ARNT2: variants seen among roughly 807,000 people sequenced by gnomAD.
ARNT2 encodes the protein aryl hydrocarbon receptor nuclear translocator 2, also known as ARNT protein 2.
A neutral mutation model predicts 91.7 loss-of-function variants in ARNT2; 36 were observed. The observed-to-expected ratio is 0.39, with a 90% CI of 0.30 to 0.52. The LOEUF is 0.52. Ranked by LOEUF, ARNT2 falls within the 20% of genes least tolerant of loss-of-function variation. The pLI, the probability that ARNT2 is intolerant of heterozygous loss-of-function variation, is 0.72. For synonymous variants in ARNT2, 365 were observed against 347.1 expected (o/e 1.05, Z -0.57); for missense variants, 775 against 939.3 (o/e 0.83, Z 2.29).
chr15:80,593,176 A>C (rs1277405491), intron 18 of ARNT2, among the ~76,000 whole-genome samples: 1 of 152,216 alleles, frequency 6.6e-6, no homozygotes, highest in Non-Finnish European at 1.5e-5. Context: ...TAAGATAAAC[A>C]TGGAAGACAG....
At chr15:80,517,098 C>A (rs1897448746) in intron 8 of ARNT2, among the ~76,000 whole-genome samples, 1 of 151,664 alleles carries the variant, frequency 6.6e-6, no homozygotes, top group African/African-American at 2.4e-5. Context: ...GCTCTTCTTC[C>A]AAGGAACTTA....
intron 12 of ARNT2, among the ~76,000 whole-genome samples, chr15:80,569,727 C>A (rs189149809): frequency 2.0e-5 from 3 of 152,376 alleles, no homozygotes; most frequent in African/African-American, 7.2e-5. Context: ...AACCCCCGGC[C>A]TAATACCAAG....
chr15:80,586,160 G>C (rs1898893503), intron 17 of ARNT2, among the ~76,000 whole-genome samples: 2 of 152,126 alleles, frequency 1.3e-5, no homozygotes, highest in African/African-American at 4.8e-5. Flanking sequence ...TGCACAGGTT[G>C]CTTAAAGAGA....
chr15:80,447,456 A>C (rs1391369913), intron 1 of ARNT2, among the ~76,000 whole-genome samples: 2 of 152,236 alleles, frequency 1.3e-5, no homozygotes, highest in African/African-American at 2.4e-5. Context: ...ACCCTGGAGC[A>C]CATCATCAAC....
At chr15:80,496,911 C>T (rs1253287435) in intron 5 of ARNT2, among the ~76,000 whole-genome samples, 1 of 152,158 alleles carries the variant, frequency 6.6e-6, no homozygotes, top group African/African-American at 2.4e-5. Context: ...GCTTAGCCTC[C>T]ACAGTGGGTG....
rs199609509 is a variant in ARNT2, at chr15:80,450,902, A to T, written c.54A>T (p.Gly18=). Residue 18 remains glycine, a synonymous_variant, in exon 2 of 19, where the codon GGA becomes GGT. Transcript: ENST00000303329. ...NPPEMASDIP[G]SVTLPVAPMA... ...CAGAAATGGCTTCAGACATACCTGG[A>T]TCTGTGACGTTGCCCGTTGCCCCCA... 3 of 1,614,058 alleles carry T rather than the reference A, an allele frequency of 1.9e-6. No individual in the cohort carries two copies. The Admixed American group carries it at 5.0e-5, about 27-fold the overall frequency.
intron 8 of ARNT2, among the ~76,000 whole-genome samples, chr15:80,538,562 A>G (rs979750273): frequency 2.6e-5 from 4 of 152,178 alleles, no homozygotes; most frequent in African/African-American, 9.6e-5. Context: ...CCATGGCCCC[A>G]CTCCATATCA....
chr15:80,510,670 A>G lies in ARNT2; in HGVS notation c.725+2412A>G, dbSNP rs574193613. Among the ~76,000 whole-genome samples the G allele has an allele frequency of 4.6e-4, 70 of 152,068 alleles. 1 individual carries two copies. Among genetic ancestry groups the G allele is most frequent in the African/African-American group, 1.7e-3 (70 of 41,422 alleles). ...ATGGTGAAACCCCGTCTCTACTAAA[A>G]ATAGAAAAATTAGCTGGGTGTGGTG... On this transcript the variant is annotated intron_variant, in intron 6 of 18. Coordinates refer to ENST00000303329, the MANE Select transcript of ARNT2 (RefSeq NM_014862.4).
intron 17 of ARNT2, among the ~76,000 whole-genome samples, chr15:80,589,123 G>A (rs771613161): frequency 3.3e-5 from 5 of 152,232 alleles, no homozygotes; most frequent in Non-Finnish European, 5.9e-5. Context: ...GTCACTTACA[G>A]TAAGGACCAG....
chr15:80,553,075 A>G (rs55968147), intron 10 of ARNT2, among the ~76,000 whole-genome samples: 5,707 of 152,324 alleles, frequency 0.037, 232 homozygotes, highest in African/African-American at 0.1. Context: ...AATATTCATT[A>G]CAAAGCTCAT....
intron 7 of ARNT2, among the ~76,000 whole-genome samples, 162 bp downstream of exon 7, chr15:80,514,138 G>C (rs1473453706): frequency 6.6e-6 from 1 of 152,154 alleles, no homozygotes; most frequent in Non-Finnish European, 1.5e-5. Context: ...CAGGGAGTTG[G>C]GTGGAATTTA....
chr15:80,413,754 G>A (rs373149842), intron 1 of ARNT2, among the ~76,000 whole-genome samples: 22 of 152,292 alleles, frequency 1.4e-4, no homozygotes, highest in African/African-American at 5.1e-4. Flanking sequence ...CCAGCTCTTC[G>A]GGTAGAGCCA....
chr15:80,420,956 A>G (rs763741842), intron 1 of ARNT2, among the ~76,000 whole-genome samples: 2 of 152,232 alleles, frequency 1.3e-5, no homozygotes, highest in South Asian at 2.1e-4. Context: ...ACATGCACAC[A>G]TGTTTATTAC....
At chr15:80,513,349 C>G (rs1283289766) in intron 6 of ARNT2, among the ~76,000 whole-genome samples, 9 of 152,214 alleles carry the variant, frequency 5.9e-5, no homozygotes, top group Non-Finnish European at 2.9e-5. Flanking sequence ...CTGTTTATCT[C>G]TCATCCCCAC....
At chr15:80,509,181 C>T (rs890094932) in intron 6 of ARNT2, among the ~76,000 whole-genome samples, 3 of 152,174 alleles carry the variant, frequency 2.0e-5, no homozygotes, top group Non-Finnish European at 2.9e-5. Context: ...GTGGCTCATG[C>T]CTGTAATCCC....
At chr15:80,580,997 G>A (rs1363560941) in intron 16 of ARNT2, 5 of 560,074 alleles carry the variant, frequency 8.9e-6, no homozygotes, top group Non-Finnish European at 1.6e-5. Flanking sequence ...AGACTCCAGA[G>A]GGCCCGGATC....
intron 12 of ARNT2, among the ~76,000 whole-genome samples, chr15:80,565,551 T>TTA (rs57315855): frequency 6.6e-6 from 1 of 151,392 alleles, no homozygotes; most frequent in Non-Finnish European, 1.5e-5. Context: ...TTTTTTTTTT[T>TTA]ACTTTTTACT....
chr15:80,516,234 A>G (rs755555805), intron 8 of ARNT2, among the ~76,000 whole-genome samples: 2 of 152,176 alleles, frequency 1.3e-5, no homozygotes, highest in Non-Finnish European at 2.9e-5. Context: ...GAGGGCAACT[A>G]TGTTTTTATT....
chr15:80,552,454 G>C (rs547463671), intron 9 of ARNT2, among the ~76,000 whole-genome samples, 186 bp from the exon 10 acceptor site: 7 of 152,306 alleles, frequency 4.6e-5, no homozygotes, highest in Non-Finnish European at 8.8e-5. Flanking sequence ...TGTAAAGAAA[G>C]TGGCCAACTG....
Sources: gnomAD v4.1 joint callset for allele counts (sites outside exome capture counted in the v4.1 genomes callset) on GRCh38, gnomAD v4.1.1 for gene constraint, MANE v1.5 for transcripts, NCBI Gene and HGNC (gene_info 2026-07-23, HGNC 2026-07-21) for gene names.